CTIF: variants seen among roughly 807,000 people sequenced by gnomAD.
CTIF encodes CBP80/20-dependent translation initiation factor.
In CTIF, 21 loss-of-function variants were observed where a neutral mutation model predicts 66.0. That is an observed-to-expected ratio of 0.32 (90% CI 0.23 to 0.46). The LOEUF (loss-of-function observed/expected upper bound fraction) is 0.46. CTIF is among the 20% of genes least tolerant of loss of function. CTIF has a pLI of 1.00. For missense variants in CTIF, 739 were observed against 812.7 expected, an observed-to-expected ratio of 0.91 and a Z score of 1.10; for synonymous variants, 345 against 326.4, an observed-to-expected ratio of 1.06 and a Z score of -0.62.
At chr18:48,545,978 C>A (rs1448553666) in intron 1 of CTIF, among the ~76,000 whole-genome samples, 1 of 152,176 alleles carries the variant, frequency 6.6e-6, no homozygotes, top group African/African-American at 2.4e-5. Context: ...CAGCTGGAAG[C>A]ATTAGAGTGA....
At chr18:48,728,053 A>G (rs564485024) in intron 7 of CTIF, among the ~76,000 whole-genome samples, 42 of 152,246 alleles carry the variant, frequency 2.8e-4, no homozygotes, top group African/African-American at 1.0e-3. Flanking sequence ...CTGGCTAAAA[A>G]CTTCTTCCTT....
chr18:48,588,227 TC>T (rs895346528), intron 1 of CTIF, among the ~76,000 whole-genome samples: 1 of 152,148 alleles, frequency 6.6e-6, no homozygotes, highest in Non-Finnish European at 1.5e-5. Flanking sequence ...CAGCCCACTC[TC>T]CCTGATTCCA....
At chr18:48,541,978 A>T (rs1036481468) in intron 1 of CTIF, among the ~76,000 whole-genome samples, 14 of 151,990 alleles carry the variant, frequency 9.2e-5, no homozygotes, top group Non-Finnish European at 1.5e-4. Context: ...GAAGGGCCAC[A>T]TTCCCCCTTT....
At chr18:48,660,618 A>G (rs1299543747) in intron 3 of CTIF, among the ~76,000 whole-genome samples, 1 of 152,168 alleles carries the variant, frequency 6.6e-6, no homozygotes, top group African/African-American at 2.4e-5. Flanking sequence ...CACCTCCCTT[A>G]GCCCAAGGGT....
chr18:48,679,260 A>G (rs2091698347), intron 6 of CTIF, among the ~76,000 whole-genome samples: 1 of 152,222 alleles, frequency 6.6e-6, no homozygotes, highest in Non-Finnish European at 1.5e-5. Flanking sequence ...TGGGGGTCAT[A>G]TACCTGTTCA....
intron 2 of CTIF, among the ~76,000 whole-genome samples, chr18:48,625,638 C>T (rs890691578): frequency 1.3e-5 from 2 of 152,118 alleles, no homozygotes; most frequent in Non-Finnish European, 2.9e-5. Flanking sequence ...TGTTCAATAA[C>T]TTGCATTTTT....
At chr18:48,572,975 A>G (rs112164013) in intron 1 of CTIF, among the ~76,000 whole-genome samples, 11,102 of 152,132 alleles carry the variant, frequency 0.073, 480 homozygotes, top group South Asian at 0.1. Flanking sequence ...CCTGGGCAAA[A>G]GAGCAAGACC....
At position 48,586,004 on chromosome 18, in the gene CTIF, C is replaced by T. The variant is rs542131027; in HGVS notation, c.-28-33534C>T. Among the ~76,000 whole-genome samples the T allele has an allele frequency of 7.9e-5, 12 of 152,190 alleles. No homozygotes were observed. In the South Asian group the frequency reaches 2.5e-3, roughly 32 times the overall value. ...TTGCTTCTGTGTGTTGTGATGGTGG[C>T]GATGCTGATTCCAAGAGCTAAATAT... On this transcript the variant is annotated intron_variant, in intron 1 of 11. Coordinates refer to ENST00000256413, the MANE Select transcript of CTIF (RefSeq NM_014772.3).
intron 2 of CTIF, among the ~76,000 whole-genome samples, chr18:48,623,052 C>T (rs1055989429): frequency 2.6e-5 from 4 of 152,242 alleles, no homozygotes; most frequent in Admixed American, 6.5e-5. Flanking sequence ...GCCCTCCCAG[C>T]GCTTTCAGTC....
intron 9 of CTIF, among the ~76,000 whole-genome samples, chr18:48,815,843 C>T (rs1406169997): frequency 6.6e-6 from 1 of 151,692 alleles, no homozygotes; most frequent in Non-Finnish European, 1.5e-5. Flanking sequence ...CATTCTACAA[C>T]CTGTCTTCCC....
intron 1 of CTIF, among the ~76,000 whole-genome samples, chr18:48,570,801 A>C (rs1301707247): frequency 6.6e-6 from 1 of 152,050 alleles, no homozygotes; most frequent in African/African-American, 2.4e-5. Flanking sequence ...AGGGACCCAG[A>C]CTTTGAGGAG....
intron 3 of CTIF, among the ~76,000 whole-genome samples, chr18:48,657,861 AACGCTTGCCT>A (rs2091270313): frequency 6.6e-6 from 1 of 152,212 alleles, no homozygotes; most frequent in South Asian, 2.1e-4. Context: ...AGGCAAGTCC[AACGCTTGCCT>A]GGGATGAGCC....
chr18:48,851,292 A>G (rs2146626183), intron 10 of CTIF, among the ~76,000 whole-genome samples: 1 of 152,362 alleles, frequency 6.6e-6, no homozygotes, highest in East Asian at 1.9e-4. Flanking sequence ...GAAAAAGAGC[A>G]GGGAGACTGT....
intron 3 of CTIF, among the ~76,000 whole-genome samples, chr18:48,637,878 G>A (rs1277404887): frequency 6.6e-6 from 1 of 152,056 alleles, no homozygotes; most frequent in Non-Finnish European, 1.5e-5. Context: ...CTTCCTTCTT[G>A]GGTCTCAGCT....
chr18:48,743,959 T>A (rs553428032), intron 7 of CTIF, among the ~76,000 whole-genome samples: 1 of 152,320 alleles, frequency 6.6e-6, no homozygotes, highest in East Asian at 1.9e-4. Flanking sequence ...GTTGAGGGGC[T>A]AAGTCTCCTG....
chr18:48,751,848 A>G (rs1907848454), intron 7 of CTIF, among the ~76,000 whole-genome samples: 1 of 152,228 alleles, frequency 6.6e-6, no homozygotes, highest in African/African-American at 2.4e-5. Flanking sequence ...AGGCAAACCC[A>G]CTGACATCTC....
At chr18:48,779,715 C>A (rs904896271) in intron 9 of CTIF, among the ~76,000 whole-genome samples, 7 of 152,164 alleles carry the variant, frequency 4.6e-5, no homozygotes, top group Admixed American at 1.3e-4. Flanking sequence ...GGGAGAGTCT[C>A]CACCAAGCTG....
At chr18:48,816,472 G>GC (rs2068365898) in intron 9 of CTIF, among the ~76,000 whole-genome samples, 1 of 152,144 alleles carries the variant, frequency 6.6e-6, no homozygotes, top group African/African-American at 2.4e-5. Context: ...TTTCTGTTGA[G>GC]CACTGGTATG....
intron 10 of CTIF, chr18:48,826,569 C>T (rs928144213): frequency 6.6e-6 from 1 of 152,272 alleles, no homozygotes; most frequent in Non-Finnish European, 1.5e-5. Context: ...GGGCTGTCAA[C>T]GTCTGTCTCC....
Sources: gnomAD v4.1 joint callset for allele counts (sites outside exome capture counted in the v4.1 genomes callset) on GRCh38, gnomAD v4.1.1 for gene constraint, MANE v1.5 for transcripts, NCBI Gene and HGNC (gene_info 2026-07-23, HGNC 2026-07-21) for gene names.